Variants in MKKS observed in about 807,000 individuals in gnomAD.
The protein encoded by MKKS is molecular chaperone MKKS.
A neutral mutation model predicts 33.2 loss-of-function variants in MKKS; 29 were observed. That is an observed-to-expected ratio of 0.87 (90% CI 0.65 to 1.19). The LOEUF (loss-of-function observed/expected upper bound fraction) is 1.19, where lower values mean the gene tolerates loss of function less well. Ranked by LOEUF, MKKS falls within the 50% of genes most tolerant of loss-of-function variation. The pLI is 0.00. For synonymous variants in MKKS, 260 were observed against 244.0 expected, an observed-to-expected ratio of 1.07 and a Z score of -0.61; for missense variants, 661 against 662.3, an observed-to-expected ratio of 1.00 and a Z score of 0.02.
intron 2 of MKKS, among the ~76,000 whole-genome samples, chr20:10,418,679 A>G (rs1321954245): frequency 3.3e-5 from 5 of 152,112 alleles, no homozygotes; most frequent in Non-Finnish European, 7.4e-5. Flanking sequence ...TTTTCCTCCA[A>G]GAGTATTTCT....
At chr20:10,424,184 T>C (rs548576202) in intron 1 of MKKS, among the ~76,000 whole-genome samples, 1 of 152,160 alleles carries the variant, frequency 6.6e-6, no homozygotes, top group Non-Finnish European at 1.5e-5. Context: ...CAAGATGGAA[T>C]TAGCACTTTA....
chr20:10,421,945 G>T (rs1157847481), intron 1 of MKKS, among the ~76,000 whole-genome samples: 2 of 151,840 alleles, frequency 1.3e-5, no homozygotes, highest in Admixed American at 6.6e-5. Context: ...CTATGAACTT[G>T]GCTCAATTGC....
intron 1 of MKKS, among the ~76,000 whole-genome samples, chr20:10,427,029 G>GTCACACACACAGAC (rs1555803048): frequency 7.6e-6 from 1 of 130,724 alleles, no homozygotes; most frequent in Non-Finnish European, 1.6e-5. Flanking sequence ...AGAAAACACT[G>GTCACACACACAGAC]ACACACACAC....
In MKKS at chr20:10,403,526, G is replaced by T. The variant is rs2064822465; in HGVS notation, c.*1721C>A. 6.6e-6 allele frequency: 1 copy of T among 152,186 alleles called. No individual in the cohort carries two copies. The highest frequency in any genetic ancestry group is 6.5e-5 in the Admixed American group (1 of 15,278). The allele number at this position is 152,186 out of a possible 1,614,324, so 9.4% of individuals were successfully genotyped here. A position where few individuals can be genotyped will look rare whatever the true frequency, so the allele number is the denominator to read the frequency against. On this transcript the variant is annotated 3_prime_UTR_variant, in exon 6 of 6. Transcript: ENST00000347364. ...TCACCCCAGGCTTCCTCAGGAGGTA[G>T]TTCTTTAAGTACAGTTCCTGGAACA...
intron 2 of MKKS, among the ~76,000 whole-genome samples, chr20:10,419,386 A>G (rs1014152783): frequency 1.3e-5 from 2 of 152,184 alleles, no homozygotes; most frequent in African/African-American, 2.4e-5. Flanking sequence ...ATAATATAGT[A>G]TAACGCTATA....
Position 10,413,178 on chromosome 20 carries a change from G to C in MKKS, c.337C>G (p.Pro113Ala). Residue 113 changes from proline to alanine, a missense_variant, in exon 3 of 6, where the codon CCC becomes GCC. Physicochemically the swap from Pro to Ala is conservative, Grantham distance 27. Transcript: ENST00000347364. ...IENVQRLGLT[P>A]TTVIRLNKHL... ...TTATTTAATCTAATGACAGTGGTGG[G>C]TGTCAAGCCTAATCTCTGAACATTT... 1 of 1,614,160 alleles carries C rather than the reference G, an allele frequency of 6.2e-7. No individual in the cohort carries two copies. Among genetic ancestry groups the C allele is most frequent in the South Asian group, 1.1e-5 (1 of 91,086 alleles).
At position 10,412,657 on chromosome 20, in the gene MKKS, G is replaced by A; in HGVS notation, c.858C>T (p.Asp286=). The change falls in exon 3 of 6, where the codon GAC becomes GAT. Residue 286 remains aspartate (D), a synonymous_variant. Coordinates refer to ENST00000347364, the MANE Select transcript of MKKS (RefSeq NM_170784.3). ...TTTGGCACAGGACAAGATCTACGTGGTCACTGATTAGCTGCCTTCCTAGGT... is the reference window on the plus strand; with the variant it reads ...TTTGGCACAGGACAAGATCTACGTGATCACTGATTAGCTGCCTTCCTAGGT... The part of the protein sequence containing the change: ...LLNLGRQLIS[D]HVDLVLCQKV... The A allele has an allele frequency of 3.1e-6, 5 of 1,614,138 alleles. No individual in the cohort carries two copies. The highest frequency in any genetic ancestry group is 2.5e-6 in the Non-Finnish European group (3 of 1,180,022).
Position 10,411,160 on chromosome 20 carries a change from G to T in MKKS, c.985+1370C>A, listed in dbSNP as rs188086013. ...GCCACCATGCCCAGCTAATTTTTTT[G>T]TATTTTTAGTAGAGATGGGGTTTCA... On this transcript the variant is annotated intron_variant, in intron 3 of 5. Transcript: ENST00000347364. Among the ~76,000 whole-genome samples the T allele has an allele frequency of 4.8e-3, 716 of 149,666 alleles. 3 individuals are homozygous for T. The highest frequency in any genetic ancestry group is 0.016 in the African/African-American group (647 of 40,608).
intron 2 of MKKS, among the ~76,000 whole-genome samples, 169 bp from the exon 3 acceptor site, chr20:10,414,100 C>T (rs1195351679): frequency 1.3e-5 from 2 of 152,108 alleles, no homozygotes; most frequent in African/African-American, 2.4e-5. Context: ...CTTAAAATTC[C>T]TTTATTCTTC....
rs767130213 is a variant in MKKS at position 10,405,197 on chromosome 20, C to A, written c.*50G>T. The A allele has an allele frequency of 2.1e-6, 3 of 1,452,248 alleles. No homozygotes were observed. The highest frequency in any genetic ancestry group is 2.8e-6 in the Non-Finnish European group (3 of 1,065,508). The allele number at this position is 1,452,248 out of a possible 1,614,324, so 90.0% of individuals were successfully genotyped here. On this transcript the variant is annotated 3_prime_UTR_variant, in exon 6 of 6. Coordinates refer to ENST00000347364, the MANE Select transcript of MKKS (RefSeq NM_170784.3). ...ATACACTCACAATTTTTCTCAATTGCCAACAGACTAGTTTATTTGTTTCTC... is the reference window on the plus strand; with the variant it reads ...ATACACTCACAATTTTTCTCAATTGACAACAGACTAGTTTATTTGTTTCTC...
intron 1 of MKKS, among the ~76,000 whole-genome samples, chr20:10,422,806 G>C (rs958548571): frequency 6.6e-6 from 1 of 151,526 alleles, no homozygotes; most frequent in East Asian, 1.9e-4. Flanking sequence ...CCGCCTCCCA[G>C]GTTCACGCCA....
rs2122236791 is a variant in MKKS, at chr20:10,413,516, T to C, written c.-2A>G. The C allele has an allele frequency of 6.2e-7, 1 of 1,614,188 alleles. No individual in the cohort carries two copies. On this transcript the variant is annotated 5_prime_UTR_variant, in exon 3 of 6. Transcript: ENST00000347364. Reference sequence around the variant, plus strand: ...CTTCTTAGCTTCCAAACGAGACATCTTACTTCAGGTGGTAACTAGTGAAGA... The same window carrying C: ...CTTCTTAGCTTCCAAACGAGACATCCTACTTCAGGTGGTAACTAGTGAAGA...
chr20:10,421,416 C>CA (rs57038274), intron 1 of MKKS, among the ~76,000 whole-genome samples: 1,004 of 86,008 alleles, frequency 0.012, 6 homozygotes, highest in South Asian at 0.015. Context: ...GACTCCATCA[C>CA]AAAAAAAAAA....
At chr20:10,407,364 A>T (rs146060692) in intron 5 of MKKS, among the ~76,000 whole-genome samples, 1 of 152,302 alleles carries the variant, frequency 6.6e-6, no homozygotes, top group Non-Finnish European at 1.5e-5. Flanking sequence ...AATCATTGTA[A>T]TAAGGATATT....
Position 10,405,681 on chromosome 20 carries a change from T to C in MKKS, c.1279A>G (p.Asn427Asp), listed in dbSNP as rs1026455293. ...TCTTTGAGAATGCTTTCTGGGTCGT[T>C]GTGAGTCTAAAGAGTAATAAAAACA... Reference protein sequence around the residue: ...LAAYIRHKTHNDPESILKDDE... With the variant: ...LAAYIRHKTHDDPESILKDDE... The change falls in exon 6 of 6, where the codon AAC (asparagine) becomes GAC (aspartate). Residue 427 changes from asparagine (N) to aspartate (D), a missense_variant. Asn to Asp is a conservative substitution (Grantham distance 23, BLOSUM62 1). Transcript: ENST00000347364. 8.7e-6 allele frequency: 14 copies of C among 1,613,318 alleles called. No homozygotes were observed. Among genetic ancestry groups the C allele is most frequent in the Non-Finnish European group, 1.1e-5 (13 of 1,179,314 alleles).
intron 2 of MKKS, among the ~76,000 whole-genome samples, chr20:10,418,511 C>T (rs1357947740): frequency 6.6e-6 from 1 of 152,150 alleles, no homozygotes. Context: ...AAATCCGGCT[C>T]TAACTTTTGC....
At chr20:10,429,663 A>T (rs2065040535) in intron 1 of MKKS, among the ~76,000 whole-genome samples, 1 of 152,068 alleles carries the variant, frequency 6.6e-6, no homozygotes, top group Non-Finnish European at 1.5e-5. Flanking sequence ...CCTTTTCCTC[A>T]TGCTCCTCAT....
chr20:10,430,881 G>A (rs955934513), intron 1 of MKKS, among the ~76,000 whole-genome samples: 2 of 152,184 alleles, frequency 1.3e-5, no homozygotes, highest in Non-Finnish European at 2.9e-5. Flanking sequence ...AAACTTGGTC[G>A]ACATTTTCAG....
chr20:10,415,124 A>ATT (rs2064928180), intron 2 of MKKS, among the ~76,000 whole-genome samples: 1 of 152,254 alleles, frequency 6.6e-6, no homozygotes, highest in South Asian at 2.1e-4. Flanking sequence ...CTTGAGGCAT[A>ATT]AATTCCTGAC....
Sources: gnomAD v4.1 joint callset for allele counts (sites outside exome capture counted in the v4.1 genomes callset) on GRCh38, gnomAD v4.1.1 for gene constraint, MANE v1.5 for transcripts, NCBI Gene and HGNC (gene_info 2026-07-23, HGNC 2026-07-21) for gene names.